Variants in SNTG1 observed in about 807,000 individuals in gnomAD.
SNTG1 encodes syntrophin gamma 1, also known as gamma-1-syntrophin.
SNTG1 carries 39 observed loss-of-function variants against 74.7 expected under a neutral mutation model. The ratio of observed to expected loss-of-function variants is 0.52; its 90% confidence interval spans 0.40 to 0.68. The LOEUF is 0.68. Ranked by LOEUF, SNTG1 falls within the 30% of genes least tolerant of loss-of-function variation. The pLI, the probability that SNTG1 is intolerant of heterozygous loss-of-function variation, is 0.00. For missense variants in SNTG1, 685 were observed against 609.5 expected, an observed-to-expected ratio of 1.12 and a Z score of -1.30; for synonymous variants, 254 against 217.1, an observed-to-expected ratio of 1.17 and a Z score of -1.49.
At chr8:50,496,981 G>GAAAAA (rs34727478) in intron 8 of SNTG1, among the ~76,000 whole-genome samples, 5 of 147,256 alleles carry the variant, frequency 3.4e-5, no homozygotes, top group Non-Finnish European at 3.0e-5. Context: ...AAGAAAAATT[G>GAAAAA]AAAAAAAAAA....
intron 12 of SNTG1, among the ~76,000 whole-genome samples, chr8:50,582,205 A>C (rs534284180): frequency 2.2e-4 from 34 of 152,292 alleles, no homozygotes; most frequent in Admixed American, 1.2e-3. Context: ...TTTCAAGGCA[A>C]AGTTAAACTT....
intron 2 of SNTG1, among the ~76,000 whole-genome samples, chr8:50,219,582 G>GA (rs1463707482): frequency 1.3e-5 from 2 of 152,148 alleles, no homozygotes; most frequent in Admixed American, 1.3e-4. Flanking sequence ...AGTCAAAGGG[G>GA]AATCAGACAT....
chr8:50,316,773 A>G (rs1048387686), intron 2 of SNTG1, among the ~76,000 whole-genome samples: 2 of 152,304 alleles, frequency 1.3e-5, no homozygotes, highest in Non-Finnish European at 1.5e-5. Context: ...TGTAAACACA[A>G]TAAGAGTATG....
intron 9 of SNTG1, among the ~76,000 whole-genome samples, chr8:50,509,795 A>C (rs2094048807): frequency 6.6e-6 from 1 of 152,100 alleles, no homozygotes. Flanking sequence ...GAAGTTACCT[A>C]TCAGCTTAAG....
chr8:50,126,621 T>C (rs34641787), intron 1 of SNTG1, among the ~76,000 whole-genome samples: 30,884 of 151,776 alleles, frequency 0.2, 3,277 homozygotes, highest in South Asian at 0.36. Context: ...TATAAATTCA[T>C]ATATGTTTAT....
chr8:50,378,902 A>G (rs2092434354), intron 2 of SNTG1, among the ~76,000 whole-genome samples: 1 of 152,024 alleles, frequency 6.6e-6, no homozygotes, highest in Non-Finnish European at 1.5e-5. Context: ...GGCCCAGAAA[A>G]GGCACCACAA....
chr8:50,129,455 A>G (rs1273692632), intron 1 of SNTG1, among the ~76,000 whole-genome samples: 1 of 152,122 alleles, frequency 6.6e-6, no homozygotes, highest in African/African-American at 2.4e-5. Context: ...TAATTCATAA[A>G]AAACATCAGT....
intron 17 of SNTG1, among the ~76,000 whole-genome samples, chr8:50,731,254 G>T (rs1008468295): frequency 6.6e-6 from 1 of 152,048 alleles, no homozygotes; most frequent in Admixed American, 6.6e-5. Flanking sequence ...GGGCACAAAA[G>T]GAGATAAACA....
chr8:50,625,939 T>A (rs181368907), intron 13 of SNTG1, among the ~76,000 whole-genome samples: 1 of 152,328 alleles, frequency 6.6e-6, no homozygotes, highest in Admixed American at 6.5e-5. Context: ...ACACCCCATG[T>A]GTGCTTTCCT....
intron 15 of SNTG1, among the ~76,000 whole-genome samples, chr8:50,701,858 T>C (rs2095427291): frequency 6.7e-6 from 1 of 150,264 alleles, no homozygotes; most frequent in African/African-American, 2.5e-5. Flanking sequence ...CTCTTCTTCT[T>C]CCTCTTTTTG....
intron 2 of SNTG1, among the ~76,000 whole-genome samples, chr8:50,315,651 C>A (rs2090287477): frequency 2.1e-5 from 3 of 142,552 alleles, no homozygotes; most frequent in African/African-American, 8.4e-5. Context: ...AAGCATACTT[C>A]AAGTATGTAG....
At chr8:50,224,822 C>T (rs575015380) in intron 2 of SNTG1, among the ~76,000 whole-genome samples, 4 of 152,084 alleles carry the variant, frequency 2.6e-5, no homozygotes, top group African/African-American at 9.7e-5. Flanking sequence ...AGATAGCAGG[C>T]CCAAAATATA....
intron 1 of SNTG1, among the ~76,000 whole-genome samples, chr8:50,050,878 A>AT (rs1347027791): frequency 6.6e-6 from 1 of 152,044 alleles, no homozygotes; most frequent in East Asian, 1.9e-4. Context: ...AATTAATTTA[A>AT]TTTTCCATAT....
At chr8:50,278,793 A>G (rs568867497) in intron 2 of SNTG1, among the ~76,000 whole-genome samples, 31 of 152,076 alleles carry the variant, frequency 2.0e-4, no homozygotes, top group South Asian at 1.7e-3. Context: ...TCTTTCAATT[A>G]GCCACAGTGT....
At chr8:49,934,324 T>TATC (rs1396357659) in intron 1 of SNTG1, among the ~76,000 whole-genome samples, 49 of 148,994 alleles carry the variant, frequency 3.3e-4, no homozygotes, top group Non-Finnish European at 9.0e-5. Context: ...TCTATCTATC[T>TATC]ATCTATCTAT....
intron 8 of SNTG1, among the ~76,000 whole-genome samples, chr8:50,490,643 C>A (rs771456796): frequency 8.5e-5 from 13 of 152,292 alleles, no homozygotes; most frequent in Admixed American, 2.0e-4. Context: ...AGGTTAAAAC[C>A]GTAAATCCAC....
chr8:50,484,977 C>T (rs984722270), intron 8 of SNTG1, among the ~76,000 whole-genome samples: 27 of 152,164 alleles, frequency 1.8e-4, no homozygotes, highest in Middle Eastern at 3.4e-3. Context: ...TCATTTCATG[C>T]GCAATGATTG....
intron 2 of SNTG1, among the ~76,000 whole-genome samples, chr8:50,371,560 T>G (rs747313855): frequency 1.2e-4 from 19 of 152,118 alleles, no homozygotes; most frequent in Non-Finnish European, 2.5e-4. Context: ...TGGTGTAGAG[T>G]GTTGTTCAGC....
intron 5 of SNTG1, among the ~76,000 whole-genome samples, chr8:50,443,798 A>C (rs2093380229): frequency 6.6e-6 from 1 of 152,170 alleles, no homozygotes; most frequent in African/African-American, 2.4e-5. Flanking sequence ...AGGGACATAG[A>C]TCATGTTTCC....
Sources: gnomAD v4.1 joint callset for allele counts (sites outside exome capture counted in the v4.1 genomes callset) on GRCh38, gnomAD v4.1.1 for gene constraint, MANE v1.5 for transcripts, NCBI Gene and HGNC (gene_info 2026-07-23, HGNC 2026-07-21) for gene names.